Variants in NIN observed in about 807,000 individuals in gnomAD.
NIN encodes the protein ninein.
A neutral mutation model predicts 257.6 loss-of-function variants in NIN; 137 were observed. The observed-to-expected ratio is 0.53, with a 90% CI of 0.46 to 0.61. The LOEUF is 0.61. Among genes scored for constraint, NIN ranks in the 20% least tolerant of loss-of-function variants. The pLI, the probability that NIN is intolerant of heterozygous loss-of-function variation, is 0.00. For synonymous variants in NIN, 918 were observed against 919.8 expected (o/e 1.00, Z 0.04); for missense variants, 2,439 against 2,501.2 (o/e 0.98, Z 0.53).
At chr14:50,826,686 C>A (rs2045472023) in intron 2 of NIN, among the ~76,000 whole-genome samples, 1 of 152,094 alleles carries the variant, frequency 6.6e-6, no homozygotes, top group Non-Finnish European at 1.5e-5. Context: ...CTGTTCTGGG[C>A]CAGAGGGAGT....
rs1432796606 is a variant in NIN at position 50,822,021 on chromosome 14, T to C, written c.36A>G (p.Arg12=). The C allele has an allele frequency of 6.2e-7, 1 of 1,614,012 alleles. No individual in the cohort carries two copies. The highest frequency in any genetic ancestry group is 8.5e-7 in the Non-Finnish European group (1 of 1,179,926). Residue 12 remains arginine, a synonymous_variant, in exon 3 of 31, where the codon CGA becomes CGG. Transcript: ENST00000530997. ...DEVEQDQHEA[R]LKELFDSFDT... ...CAAAACTGTCAAACAGCTCCTTGAG[T>C]CGGGCCTCATGCTGGTCCTGCTCCA...
intron 12 of NIN, among the ~76,000 whole-genome samples, chr14:50,767,709 T>C (rs369806191): frequency 4.5e-4 from 68 of 151,168 alleles, no homozygotes; most frequent in South Asian, 1.3e-3. Context: ...CCCAGCTACT[T>C]GGGAGGCTGA....
chr14:50,762,835 C>T (rs139165634), intron 15 of NIN, among the ~76,000 whole-genome samples: 81 of 152,266 alleles, frequency 5.3e-4, no homozygotes, highest in African/African-American at 1.9e-3. Flanking sequence ...GGCAGTCTTG[C>T]TTTGGGTCTT....
Position 50,738,259 on chromosome 14 carries a change from G to C in NIN, c.5656C>G (p.Pro1886Ala). 1.2e-6 allele frequency: 2 copies of C among 1,613,814 alleles called. No individual in the cohort carries two copies. Among genetic ancestry groups the C allele is most frequent in the Non-Finnish European group, 1.7e-6 (2 of 1,179,848 alleles). The change falls in exon 27 of 31, where the codon CCC becomes GCC. Residue 1886 changes from proline to alanine, a missense_variant. Pro to Ala is a conservative substitution (Grantham distance 27). Transcript: ENST00000530997. ...KVRQLESNLL[P>A]KHQKHLNPSG... ...GGGTTTAGATGTTTTTGGTGCTTGG[G>C]AAGAAGATTGGATTCCAACTGACGG...
At chr14:50,770,192 A>G (rs533149053) in intron 12 of NIN, among the ~76,000 whole-genome samples, 196 bp downstream of exon 12, 76 of 152,306 alleles carry the variant, frequency 5.0e-4, no homozygotes, top group Non-Finnish European at 1.0e-4. Flanking sequence ...TACTGTGAGC[A>G]AAGCAGGAGC....
intron 14 of NIN, among the ~76,000 whole-genome samples, chr14:50,765,418 A>T (rs1322076193): frequency 6.6e-6 from 1 of 152,212 alleles, no homozygotes; most frequent in Non-Finnish European, 1.5e-5. Flanking sequence ...CCATGTATGT[A>T]TATTTCCTGA....
chr14:50,731,091 A>G (rs1375127902), intron 28 of NIN: 1 of 380,930 alleles, frequency 2.6e-6, no homozygotes, highest in African/African-American at 2.1e-5. Context: ...TAGGTCTATT[A>G]TATACATGAA....
At chr14:50,730,067 C>CCG (rs33973579) in intron 28 of NIN, among the ~76,000 whole-genome samples, 25 of 151,924 alleles carry the variant, frequency 1.6e-4, no homozygotes, top group Non-Finnish European at 5.9e-5. Flanking sequence ...CTTTTAAAAA[C>CCG]GGGTTGGAGA....
At position 50,732,637 on chromosome 14, in the gene NIN, A is replaced by AC. The variant is rs2040772736; in HGVS notation, c.5877+2878dup. Reference sequence around the variant, plus strand: ...TTTATCACAGGTTAAAAATTAATATACTAAAAACCATTGAATTGTACACCT... The same window carrying AC: ...TTTATCACAGGTTAAAAATTAATATACCTAAAAACCATTGAATTGTACACCT... On this transcript the variant is annotated intron_variant, in intron 28 of 30. Coordinates refer to ENST00000530997, the MANE Select transcript of NIN (RefSeq NM_020921.4). 3.3e-5 allele frequency among the ~76,000 whole-genome samples: 5 copies of AC among 152,190 alleles called. No individual in the cohort carries two copies. In the South Asian group the frequency reaches 6.2e-4, roughly 19 times the overall value.
chr14:50,754,149 G>A (rs1360668592), intron 20 of NIN, among the ~76,000 whole-genome samples: 1 of 152,186 alleles, frequency 6.6e-6, no homozygotes, highest in African/African-American at 2.4e-5. Flanking sequence ...ATGTAATTCT[G>A]TGAAATGATA....
chr14:50,759,581 CCT>C lies in NIN; in HGVS notation c.2399+274_2399+275del, dbSNP rs373361628. ...CGATCTCGGCTCACTGCAAGCTCCG[CCT>C]CCCGGGTTCACGCCATTCTCCTGCC... On this transcript the variant is annotated intron_variant, in intron 17 of 30. Transcript: ENST00000530997. 1.7e-4 allele frequency among the ~76,000 whole-genome samples: 26 copies of C among 152,136 alleles called. No individual in the cohort carries two copies. In the South Asian group the frequency reaches 4.8e-3, roughly 28 times the overall value.
In NIN at chr14:50,758,054, G is replaced by A. The variant is rs1199839999; in HGVS notation, c.2976C>T (p.Asn992=). ...EMMSKLLAME[N]IHKATCETAD... ...CTGTCTCACAGGTCGCTTTGTGAAT[G>A]TTCTCCATGGCTAGAAGCTTGGACA... The change falls in exon 18 of 31, where the codon AAC becomes AAT. Residue 992 remains asparagine (N), a synonymous_variant. Transcript: ENST00000530997. 6.2e-7 allele frequency: 1 copy of A among 1,614,072 alleles called. No individual in the cohort carries two copies. Among genetic ancestry groups the A allele is most frequent in the Non-Finnish European group, 8.5e-7 (1 of 1,180,058 alleles).
intron 4 of NIN, among the ~76,000 whole-genome samples, chr14:50,804,393 C>G (rs922739903): frequency 3.3e-5 from 5 of 152,182 alleles, no homozygotes; most frequent in Middle Eastern, 3.2e-3. Context: ...TTTTATCCTG[C>G]CAGGACAAAT....
chr14:50,729,257 T>G (rs1470612696), intron 29 of NIN, among the ~76,000 whole-genome samples: 1 of 134,124 alleles, frequency 7.5e-6, no homozygotes, highest in Admixed American at 7.3e-5. Context: ...GTGATTTTGT[T>G]TTTTTTTTTT....
chr14:50,724,245 A>G (rs911570971), intron 30 of NIN: 1 of 207,792 alleles, frequency 4.8e-6, no homozygotes, highest in Non-Finnish European at 9.8e-6. Context: ...TTGGGGTGGG[A>G]AAACTTGTTA....
chr14:50,814,479 G>C (rs758623089), intron 3 of NIN, among the ~76,000 whole-genome samples: 20 of 152,170 alleles, frequency 1.3e-4, no homozygotes, highest in Non-Finnish European at 2.5e-4. Flanking sequence ...TCACAGTCTT[G>C]TAAGGGAAAT....
rs373724790 is a variant in NIN at position 50,792,692 on chromosome 14, G to A, written c.435+20C>T. On this transcript the variant is annotated intron_variant, in intron 5 of 30. Transcript: ENST00000530997. ...CTCCACACTCATGATCCAGATGAACGTGCATGCCCGATTCCTTACCTCACT... is the reference window on the plus strand; with the variant it reads ...CTCCACACTCATGATCCAGATGAACATGCATGCCCGATTCCTTACCTCACT... The A allele has an allele frequency of 5.6e-5, 91 of 1,613,766 alleles. No homozygotes were observed. The highest frequency in any genetic ancestry group is 8.0e-5 in the African/African-American group (6 of 74,922).
At chr14:50,814,728 A>G (rs1183191559) in intron 3 of NIN, among the ~76,000 whole-genome samples, 1 of 152,224 alleles carries the variant, frequency 6.6e-6, no homozygotes, top group Non-Finnish European at 1.5e-5. Context: ...AAACTCAGAA[A>G]TAAGACTGCA....
chr14:50,765,871 T>C (rs542279276), intron 14 of NIN, among the ~76,000 whole-genome samples: 3 of 151,458 alleles, frequency 2.0e-5, no homozygotes, highest in East Asian at 3.9e-4. Context: ...TATTATACTT[T>C]AAGCTTTAGG....
Sources: allele counts gnomAD v4.1 joint callset (sites outside exome capture counted in the v4.1 genomes callset), GRCh38; gene constraint gnomAD v4.1.1; transcripts MANE v1.5; gene names NCBI Gene and HGNC (gene_info 2026-07-23, HGNC 2026-07-21).